RMP64: variants seen among roughly 807,000 people sequenced by gnomAD.
The protein encoded by RMP64 is nucleolus and neural progenitor protein.
At chr3:113,005,559 TATC>T in the RMP64 span, 4 of 1,612,202 alleles carry the variant, frequency 2.5e-6, no homozygotes, top group East Asian at 4.5e-5. Flanking sequence ...AAAGCAAAAA[TATC>T]ATCAATGTCA....
the RMP64 span, chr3:113,013,269 TACAGAAAAGTTTTGCA>T: frequency 1.7e-5 from 27 of 1,612,500 alleles, no homozygotes; most frequent in Non-Finnish European, 2.2e-5. Flanking sequence ...TATTCAAGGA[TACAGAAAAGTTTTGCA>T]GCAGCAGTCC....
the RMP64 span, chr3:113,019,652 G>C: frequency 2.5e-6 from 4 of 1,611,452 alleles, no homozygotes; most frequent in African/African-American, 1.3e-5. Context: ...CATCATGCGA[G>C]GCGGGGGGAC....
the RMP64 span, among the ~76,000 whole-genome samples, chr3:113,010,212 A>G: frequency 6.6e-6 from 1 of 152,222 alleles, no homozygotes; most frequent in Non-Finnish European, 1.5e-5. Flanking sequence ...AACGCTTTAC[A>G]TGCATTAAAA....
chr3:113,013,407 G>C, the RMP64 span: 1 of 1,498,318 alleles, frequency 6.7e-7, no homozygotes, highest in South Asian at 1.3e-5. Flanking sequence ...ATTTTCACTT[G>C]AAAAAAATAG....
At chr3:113,013,303 G>C in the RMP64 span, 10 of 1,613,662 alleles carry the variant, frequency 6.2e-6, no homozygotes, top group East Asian at 2.2e-4. Context: ...TCCAACAAGC[G>C]GAGCAACAAC....
chr3:113,017,507 C>T, the RMP64 span: 1 of 1,614,130 alleles, frequency 6.2e-7, no homozygotes. Flanking sequence ...CTGTAAAGGA[C>T]TGCACATAAC....
At chr3:113,017,346 TGAGATTTCCAC>T in the RMP64 span, 1 of 982,960 alleles carries the variant, frequency 1.0e-6, no homozygotes, top group South Asian at 2.0e-5. Flanking sequence ...AGTAATTTAC[TGAGATTTCCAC>T]GAGATTTCCA....
At chr3:113,015,681 A>T in the RMP64 span, among the ~76,000 whole-genome samples, 1 of 152,292 alleles carries the variant, frequency 6.6e-6, no homozygotes, top group East Asian at 1.9e-4. Context: ...AATATTAAGC[A>T]GTTGTAAGGC....
chr3:113,016,535 G>C, the RMP64 span, among the ~76,000 whole-genome samples: 141 of 152,150 alleles, frequency 9.3e-4, 1 homozygote, highest in African/African-American at 3.3e-3. Context: ...TTGAGGGTTA[G>C]CAAGCTTGCT....
chr3:113,019,648 G>A, the RMP64 span: 1 of 1,612,220 alleles, frequency 6.2e-7, no homozygotes, highest in South Asian at 1.1e-5. Flanking sequence ...CAGCCATCAT[G>A]CGAGGCGGGG....
chr3:113,013,518 A>G, the RMP64 span: 1 of 986,498 alleles, frequency 1.0e-6, no homozygotes, highest in Non-Finnish European at 1.5e-6. Context: ...AAAGGATTGA[A>G]ACAAAGAGAT....
chr3:113,015,477 A>G, the RMP64 span, among the ~76,000 whole-genome samples: 2 of 152,136 alleles, frequency 1.3e-5, no homozygotes, highest in African/African-American at 4.8e-5. Context: ...AATATTTTAC[A>G]TGTCTTCCTA....
chr3:113,012,368 A>C, the RMP64 span, among the ~76,000 whole-genome samples: 1 of 152,180 alleles, frequency 6.6e-6, no homozygotes, highest in Non-Finnish European at 1.5e-5. Flanking sequence ...TACTACCAAC[A>C]ATTTTTTATT....
chr3:113,011,032 C>A, the RMP64 span: 6 of 1,569,534 alleles, frequency 3.8e-6, no homozygotes, highest in South Asian at 1.2e-5. Flanking sequence ...TGTGCTGTAT[C>A]AAAGCAAATT....
chr3:113,005,819 TGA>T, the RMP64 span: 1 of 1,613,996 alleles, frequency 6.2e-7, no homozygotes, highest in African/African-American at 1.3e-5. Context: ...CCGAGTCCCT[TGA>T]GAGAACTGCT....
chr3:113,009,245 A>C, the RMP64 span, among the ~76,000 whole-genome samples: 1,620 of 152,250 alleles, frequency 0.011, 99 homozygotes, highest in East Asian at 0.18. Flanking sequence ...TCTTTATGAA[A>C]ATATGCTGCC....
At chr3:113,017,466 G>A in the RMP64 span, 8 of 1,613,634 alleles carry the variant, frequency 5.0e-6, no homozygotes, top group Non-Finnish European at 6.8e-6. Flanking sequence ...GGGCCAAATG[G>A]GGTTTGTGGC....
the RMP64 span, chr3:113,011,420 TAGG>T: frequency 6.5e-7 from 1 of 1,542,974 alleles, no homozygotes; most frequent in Non-Finnish European, 8.7e-7. Flanking sequence ...GAGAAAGAAA[TAGG>T]AGCTCATTAA....
the RMP64 span, chr3:113,013,256 A>G: frequency 6.2e-7 from 1 of 1,610,992 alleles, no homozygotes; most frequent in East Asian, 2.2e-5. Context: ...GTATATTTCA[A>G]GATATTCAAG....
Sources: allele counts gnomAD v4.1 joint callset (sites outside exome capture counted in the v4.1 genomes callset), GRCh38; gene constraint gnomAD v4.1.1; transcripts MANE v1.5; gene names NCBI Gene and HGNC (gene_info 2026-07-23, HGNC 2026-07-21).